APC: variants seen among roughly 807,000 people sequenced by gnomAD.
APC encodes the protein APC regulator of Wnt signaling pathway, also known as adenomatous polyposis coli protein.
In APC, 72 loss-of-function variants were observed where a neutral mutation model predicts 247.0. The observed-to-expected ratio is 0.29, with a 90% CI of 0.24 to 0.35. APC has a LOEUF of 0.35. Ranked by LOEUF, APC falls within the 10% of genes least tolerant of loss-of-function variation. The probability of loss-of-function intolerance (pLI) is 1.00; values close to 1 mark genes in which losing one functional copy is unlikely to be tolerated. For synonymous variants in APC, 1,254 were observed against 1,162.5 expected, an observed-to-expected ratio of 1.08 and a Z score of -1.60; for missense variants, 3,400 against 3,360.7, an observed-to-expected ratio of 1.01 and a Z score of -0.29.
intron 14 of APC, among the ~76,000 whole-genome samples, chr5:112,833,214 G>T (rs562177635): frequency 7.2e-6 from 1 of 138,540 alleles, no homozygotes; most frequent in East Asian, 2.1e-4. Context: ...ACCGAGTCTC[G>T]CTCTGTCACC....
At position 112,768,796 on chromosome 5, in the gene APC, G is replaced by A. The variant is rs1157678689; in HGVS notation, c.422+1406G>A. ...GCGTAGAACACAGTCCTGTACAGTAGCGTAGAACACAGTCCTGTACAGTAG... is the reference window on the plus strand; with the variant it reads ...GCGTAGAACACAGTCCTGTACAGTAACGTAGAACACAGTCCTGTACAGTAG... On this transcript the variant is annotated intron_variant, in intron 4 of 15. Transcript: ENST00000257430. Among the ~76,000 whole-genome samples, 4 of 151,960 alleles carry A rather than the reference G, an allele frequency of 2.6e-5. 1 individual carries two copies. The highest frequency in any genetic ancestry group is 9.7e-5 in the African/African-American group (4 of 41,342).
At position 112,781,778 on chromosome 5, in the gene APC, T is replaced by C. The variant is rs75065846; in HGVS notation, c.645+875T>C. Among the ~76,000 whole-genome samples the C allele has an allele frequency of 4.6e-5, 7 of 151,206 alleles. No individual in the cohort carries two copies. The highest frequency in any genetic ancestry group is 8.8e-5 in the Non-Finnish European group (6 of 67,902). On this transcript the variant is annotated intron_variant, in intron 6 of 15. Transcript: ENST00000257430. ...AAACATAATGATTTTTTTTTTTTTT[T>C]CTTGAGTCTCACCCTGTTGCCCAGG...
At chr5:112,777,161 T>C (rs753500388) in intron 5 of APC, among the ~76,000 whole-genome samples, 8 of 152,228 alleles carry the variant, frequency 5.3e-5, no homozygotes, top group Non-Finnish European at 1.0e-4. Context: ...TTTCTTAGAT[T>C]GTTCAGAATG....
At chr5:112,756,487 A>G (rs898421274) in intron 2 of APC, among the ~76,000 whole-genome samples, 2 of 152,370 alleles carry the variant, frequency 1.3e-5, no homozygotes, top group East Asian at 3.9e-4. Flanking sequence ...TCAAATCATT[A>G]TACTTGGCAT....
At chr5:112,725,145 G>T (rs1751701250) in intron 1 of APC, among the ~76,000 whole-genome samples, 2 of 151,930 alleles carry the variant, frequency 1.3e-5, no homozygotes, top group Non-Finnish European at 2.9e-5. Context: ...CAGCTAATTT[G>T]TATTTTTAGT....
At chr5:112,731,114 G>A (rs1358688467) in intron 1 of APC, among the ~76,000 whole-genome samples, 1 of 151,346 alleles carries the variant, frequency 6.6e-6, no homozygotes, top group Non-Finnish European at 1.5e-5. Flanking sequence ...TCTTATAAAT[G>A]TGCCAAAAGT....
Position 112,839,490 on chromosome 5 carries a change from C to G in APC, c.3896C>G (p.Ala1299Gly). The change falls in exon 16 of 16, where the codon GCT becomes GGT. Residue 1299 changes from alanine (A) to glycine (G), a missense_variant. Transcript: ENST00000257430. The surrounding 1 kb of genome is among the most constrained non-coding windows in gnomAD (Gnocchi z 5.0). ...CNQTTQEADS[A>G]NTLQIAEIKE... is the part of the protein sequence containing the mutation. ...CAGACGACACAGGAAGCAGATTCTGCTAATACCCTGCAAATAGCAGAAATA... is the reference window on the plus strand; with the variant it reads ...CAGACGACACAGGAAGCAGATTCTGGTAATACCCTGCAAATAGCAGAAATA... 1 of 1,614,186 alleles carries G rather than the reference C, an allele frequency of 6.2e-7. No individual in the cohort carries two copies. Among genetic ancestry groups the G allele is most frequent in the East Asian group, 2.2e-5 (1 of 44,890 alleles).
chr5:112,777,992 A>G, intron 5 of APC: 1 of 187,950 alleles, frequency 5.3e-6, no homozygotes, highest in South Asian at 1.2e-4. Flanking sequence ...AACCATCTAA[A>G]TTTTCTTTAG....
chr5:112,780,651 G>C, intron 5 of APC, 139 bp from the exon 6 acceptor site: 1 of 635,572 alleles, frequency 1.6e-6, no homozygotes, highest in Non-Finnish European at 2.8e-6. Context: ...ACTCCTTGGA[G>C]TAAAAAATAA....
rs17134945 is a variant in APC at position 112,804,325 on chromosome 5, A to G, written c.834+2942A>G. Among the ~76,000 whole-genome samples the G allele has an allele frequency of 0.054, 8,233 of 152,196 alleles. 440 individuals are homozygous for G. The highest frequency in any genetic ancestry group is 0.14 in the African/African-American group (5,938 of 41,498). Reference sequence around the variant, plus strand: ...CTCCTCACTGTATGCCAGCCAACTAATATGTACCTGGCAGAGAGCATTTAT... The same window carrying G: ...CTCCTCACTGTATGCCAGCCAACTAGTATGTACCTGGCAGAGAGCATTTAT... On this transcript the variant is annotated intron_variant, in intron 8 of 15. Transcript: ENST00000257430.
chr5:112,780,674 CCATGA>C (rs1223539104), intron 5 of APC, 111 bp from the exon 6 acceptor site: 3 of 731,176 alleles, frequency 4.1e-6, no homozygotes, highest in Non-Finnish European at 7.2e-6. Flanking sequence ...TTCTCATGCA[CCATGA>C]CTGACGTATT....
At chr5:112,723,351 A>G (rs1056902847) in intron 1 of APC, among the ~76,000 whole-genome samples, 5 of 152,042 alleles carry the variant, frequency 3.3e-5, no homozygotes, top group African/African-American at 1.2e-4. Flanking sequence ...GGTGCCAGCT[A>G]CTCAGAAAGC....
chr5:112,720,137 T>A (rs1232206198), intron 1 of APC, among the ~76,000 whole-genome samples: 1 of 152,208 alleles, frequency 6.6e-6, no homozygotes, highest in African/African-American at 2.4e-5. Context: ...TAGTATAACA[T>A]ACCAATATAT....
At chr5:112,824,289 T>C (rs1032450329) in intron 11 of APC, among the ~76,000 whole-genome samples, 2 of 152,234 alleles carry the variant, frequency 1.3e-5, no homozygotes, top group African/African-American at 4.8e-5. Context: ...GCAACCAGTT[T>C]TTAATTGTAT....
chr5:112,787,124 G>A (rs1002001067), intron 6 of APC, among the ~76,000 whole-genome samples: 4 of 152,074 alleles, frequency 2.6e-5, no homozygotes, highest in Admixed American at 2.6e-4. Context: ...CTGACCTCAG[G>A]TGATCCACCT....
At chr5:112,725,629 T>C (rs1581036027) in intron 1 of APC, among the ~76,000 whole-genome samples, 1 of 150,780 alleles carries the variant, frequency 6.6e-6, no homozygotes, top group Non-Finnish European at 1.5e-5. Flanking sequence ...GGCTCAGTAG[T>C]GCAGGCCTGT....
rs751000034 is a variant in APC at position 112,815,482 on chromosome 5, G to A, written c.835-13G>A. 1 of 1,598,546 alleles carries A rather than the reference G, an allele frequency of 6.3e-7. No individual in the cohort carries two copies. The highest frequency in any genetic ancestry group is 1.7e-5 in the Admixed American group (1 of 59,796). ...GTCTAAATTATACCATCTATAATGT[G>A]CTTAATTTTTAGGGTTCAACTACAC... On this transcript the variant is annotated splice_polypyrimidine_tract_variant and intron_variant, in intron 8 of 15. Coordinates refer to ENST00000257430, the MANE Select transcript of APC (RefSeq NM_000038.6).
intron 1 of APC, among the ~76,000 whole-genome samples, chr5:112,710,818 T>C (rs546686422): frequency 8.3e-4 from 126 of 152,360 alleles, no homozygotes; most frequent in African/African-American, 2.9e-3. Context: ...GATTTCATTC[T>C]GTATCTATAA....
chr5:112,779,654 T>C (rs923596567), intron 5 of APC, among the ~76,000 whole-genome samples: 1 of 151,958 alleles, frequency 6.6e-6, no homozygotes, highest in Non-Finnish European at 1.5e-5. Flanking sequence ...TGCAACATAC[T>C]GTGTCATGTT....
Sources: allele counts gnomAD v4.1 joint callset (sites outside exome capture counted in the v4.1 genomes callset), GRCh38; gene constraint gnomAD v4.1.1; non-coding constraint Gnocchi (gnomAD v3.1); transcripts MANE v1.5; gene names NCBI Gene and HGNC (gene_info 2026-07-23, HGNC 2026-07-21).